Variants in ARHGAP24 observed in about 807,000 individuals in gnomAD.
ARHGAP24 encodes the protein Rho GTPase activating protein 24.
In ARHGAP24, 50 loss-of-function variants were observed where a neutral mutation model predicts 76.4. The observed-to-expected ratio is 0.65, with a 90% CI of 0.52 to 0.83. The LOEUF is 0.83. Ranked by LOEUF, ARHGAP24 falls within the 40% of genes least tolerant of loss-of-function variation. The pLI is 0.00. For synonymous variants in ARHGAP24, 345 were observed against 323.3 expected (o/e 1.07, Z -0.72); for missense variants, 930 against 914.2 (o/e 1.02, Z -0.22).
chr4:85,714,197 C>T (rs886941712), intron 2 of ARHGAP24, among the ~76,000 whole-genome samples: 2 of 152,136 alleles, frequency 1.3e-5, no homozygotes, highest in African/African-American at 4.8e-5. Context: ...TTCATGTTCT[C>T]CTGTTCTGTC....
At chr4:85,480,143 C>T (rs1205532019) in intron 1 of ARHGAP24, among the ~76,000 whole-genome samples, 1 of 151,794 alleles carries the variant, frequency 6.6e-6, no homozygotes, top group Non-Finnish European at 1.5e-5. Context: ...AATATGATAC[C>T]CCCCCTTTTT....
At chr4:85,487,462 ACATATATTTATTACATAT>A (rs1454589573) in intron 1 of ARHGAP24, among the ~76,000 whole-genome samples, 28 of 67,346 alleles carry the variant, frequency 4.2e-4, no homozygotes, top group South Asian at 1.5e-3. Flanking sequence ...TATTATATAA[ACATATATTTATTACATAT>A]TATATAAACA....
chr4:85,867,910 C>CATAT (rs1553936418), intron 3 of ARHGAP24, among the ~76,000 whole-genome samples: 1 of 144,268 alleles, frequency 6.9e-6, no homozygotes, highest in African/African-American at 2.5e-5. Context: ...TATATATATA[C>CATAT]ATATATGTAC....
chr4:85,856,771 G>A (rs1292434069), intron 3 of ARHGAP24, among the ~76,000 whole-genome samples: 1 of 151,960 alleles, frequency 6.6e-6, no homozygotes, highest in Non-Finnish European at 1.5e-5. Flanking sequence ...CGCCCGGCTG[G>A]AAATTACTTA....
intron 2 of ARHGAP24, among the ~76,000 whole-genome samples, chr4:85,571,259 C>G (rs566508486): frequency 1.3e-5 from 2 of 152,358 alleles, no homozygotes; most frequent in African/African-American, 4.8e-5. Context: ...TGAATAGTCT[C>G]TGTTGCTTTG....
At chr4:85,476,584 C>A (rs976768540) in intron 1 of ARHGAP24, among the ~76,000 whole-genome samples, 1 of 152,148 alleles carries the variant, frequency 6.6e-6, no homozygotes, top group Admixed American at 6.5e-5. Context: ...CTAAGTAAGA[C>A]AAATTCATTG....
Position 85,994,700 on chromosome 4 carries a change from T to G in ARHGAP24, c.1046T>G (p.Ile349Ser). The change falls in exon 9 of 10, where the codon ATT becomes AGT. Residue 349 changes from isoleucine (I) to serine (S), a missense_variant. Coordinates refer to ENST00000395184, the MANE Select transcript of ARHGAP24 (RefSeq NM_001025616.3). ...GATGGAGTGAGCAACAACAATGAAA[T>G]TCAGAAGAAAGCCACCATGGGGCAG... is the stretch of plus-strand genomic sequence containing the variant. Reference protein sequence around the residue: ...PQDGVSNNNEIQKKATMGQLQ... With the variant: ...PQDGVSNNNESQKKATMGQLQ... 6.2e-7 allele frequency: 1 copy of G among 1,613,940 alleles called. No individual in the cohort carries two copies. The highest frequency in any genetic ancestry group is 8.5e-7 in the Non-Finnish European group (1 of 1,179,974).
chr4:85,912,010 A>T (rs1001061950), intron 3 of ARHGAP24, among the ~76,000 whole-genome samples: 1 of 152,220 alleles, frequency 6.6e-6, no homozygotes, highest in African/African-American at 2.4e-5. Context: ...GGTGAGTCCC[A>T]TTACAATTAG....
chr4:85,643,265 T>C (rs1721598647), intron 2 of ARHGAP24, among the ~76,000 whole-genome samples: 1 of 23,588 alleles, frequency 4.2e-5, no homozygotes, highest in Non-Finnish European at 8.5e-5. Context: ...TTTTTTTTTT[T>C]TTTTGAGACG....
intron 1 of ARHGAP24, among the ~76,000 whole-genome samples, chr4:85,519,596 A>G (rs1467633351): frequency 6.6e-6 from 1 of 152,184 alleles, no homozygotes; most frequent in African/African-American, 2.4e-5. Flanking sequence ...GATCTCAACA[A>G]AATTATAAAG....
rs17011022 is a variant in ARHGAP24 at position 85,829,465 on chromosome 4, C to T, written c.269-94183C>T. Among the ~76,000 whole-genome samples the T allele has an allele frequency of 2.8e-3, 431 of 152,284 alleles. 3 individuals carry two copies. Among genetic ancestry groups the T allele is most frequent in the Non-Finnish European group, 4.7e-3 (320 of 68,018 alleles). Reference sequence around the variant, plus strand: ...TTCCTGGGACACTCTCTTCATGGTTCCTTGCTTTCAGACTCTATGTAAGAG... The same window carrying T: ...TTCCTGGGACACTCTCTTCATGGTTTCTTGCTTTCAGACTCTATGTAAGAG... On this transcript the variant is annotated intron_variant, in intron 3 of 9. Coordinates refer to ENST00000395184, the MANE Select transcript of ARHGAP24 (RefSeq NM_001025616.3).
chr4:85,506,059 A>G (rs1724035595), intron 1 of ARHGAP24, among the ~76,000 whole-genome samples: 1 of 152,166 alleles, frequency 6.6e-6, no homozygotes, highest in Admixed American at 6.5e-5. Flanking sequence ...TGGAGGCTGC[A>G]GAACAGCAAA....
At chr4:85,818,009 A>T (rs1027877683) in intron 3 of ARHGAP24, among the ~76,000 whole-genome samples, 2 of 152,220 alleles carry the variant, frequency 1.3e-5, no homozygotes, top group Admixed American at 1.3e-4. Context: ...AAAAATAAAG[A>T]TTATTTAATT....
At chr4:85,938,829 C>CT (rs994825423) in intron 4 of ARHGAP24, among the ~76,000 whole-genome samples, 77 of 147,014 alleles carry the variant, frequency 5.2e-4, no homozygotes, top group Admixed American at 1.2e-3. Context: ...TTTTCCTTCT[C>CT]TTTTTTTTTT....
intron 3 of ARHGAP24, among the ~76,000 whole-genome samples, chr4:85,740,134 C>T (rs1320812820): frequency 6.6e-6 from 1 of 151,798 alleles, no homozygotes; most frequent in African/African-American, 2.4e-5. Context: ...TCATTCAAAT[C>T]TCTATTTAAA....
intron 3 of ARHGAP24, among the ~76,000 whole-genome samples, chr4:85,724,438 G>A (rs1234135654): frequency 4.1e-5 from 6 of 147,962 alleles, no homozygotes; most frequent in East Asian, 2.0e-4. Context: ...TGTGTGTTAC[G>A]AATACAGTTT....
At chr4:85,696,477 T>A (rs1428661330) in intron 2 of ARHGAP24, among the ~76,000 whole-genome samples, 2 of 152,200 alleles carry the variant, frequency 1.3e-5, no homozygotes, top group East Asian at 3.8e-4. Context: ...AAATATACAA[T>A]CCTATCTAGA....
At chr4:85,506,511 A>G (rs1454479421) in intron 1 of ARHGAP24, among the ~76,000 whole-genome samples, 1 of 152,220 alleles carries the variant, frequency 6.6e-6, no homozygotes, top group East Asian at 1.9e-4. Flanking sequence ...CTGCTGCGCT[A>G]GCAGTGAGCA....
rs1027181361 is a variant in ARHGAP24, at chr4:85,716,631, C to T, written c.181-5254C>T. On this transcript the variant is annotated intron_variant, in intron 2 of 9. Coordinates refer to ENST00000395184, the MANE Select transcript of ARHGAP24 (RefSeq NM_001025616.3). Reference sequence around the variant, plus strand: ...ACTTAGAAAACTCAAGACACTTGCACCCTGGTTCTTTTGTCACTCAGTATT... The same window carrying T: ...ACTTAGAAAACTCAAGACACTTGCATCCTGGTTCTTTTGTCACTCAGTATT... 8.5e-5 allele frequency among the ~76,000 whole-genome samples: 13 copies of T among 152,176 alleles called. 1 individual carries two copies. In the Middle Eastern group the frequency reaches 0.037, roughly 438 times the overall value.
Sources: allele counts gnomAD v4.1 joint callset (sites outside exome capture counted in the v4.1 genomes callset), GRCh38; gene constraint gnomAD v4.1.1; transcripts MANE v1.5; gene names NCBI Gene and HGNC (gene_info 2026-07-23, HGNC 2026-07-21).